PGAM5: variants seen among roughly 807,000 people sequenced by gnomAD.
PGAM5 encodes PGAM family member 5, mitochondrial serine/threonine protein phosphatase.
A neutral mutation model predicts 30.6 loss-of-function variants in PGAM5; 25 were observed. The observed-to-expected ratio is 0.82, with a 90% CI of 0.60 to 1.14. PGAM5 has a LOEUF of 1.14. Among genes scored for constraint, PGAM5 ranks in the 50% most tolerant of loss-of-function variants. PGAM5 has a pLI of 0.00. For synonymous variants in PGAM5, 201 were observed against 179.1 expected (o/e 1.12, Z -0.98); for missense variants, 384 against 408.5 (o/e 0.94, Z 0.52).
chr12:132,720,747 G>A lies in PGAM5; in HGVS notation c.789G>A (p.Val263=). Residue 263 remains valine, a synonymous_variant, in exon 6 of 6, where the codon GTG becomes GTA. Coordinates refer to ENST00000498926, the MANE Select transcript of PGAM5 (RefSeq NM_001170543.2). ...ATAATGGCAGCATCACCCACCTGGT[G>A]ATCCGACCCAACGGCCGAGTTGCGC... The part of the protein sequence containing the change: ...SLNNGSITHL[V]IRPNGRVALR... The A allele has an allele frequency of 6.5e-7, 1 of 1,536,284 alleles. No individual in the cohort carries two copies. Among genetic ancestry groups the A allele is most frequent in the Non-Finnish European group, 8.7e-7 (1 of 1,146,862 alleles).
chr12:132,715,135 G>A (rs1413684266), intron 2 of PGAM5, 99 bp downstream of exon 2: 29 of 1,278,836 alleles, frequency 2.3e-5, no homozygotes, highest in African/African-American at 7.5e-5. Context: ...CAGGTCCTCC[G>A]CCGACCCCCT....
At chr12:132,718,931 T>C in intron 5 of PGAM5, 1 of 1,555,902 alleles carries the variant, frequency 6.4e-7, no homozygotes, top group East Asian at 2.3e-5. Context: ...GGCTGCTCCC[T>C]CGGGGGGCCC....
chr12:132,717,952 A>G (rs778571054), intron 4 of PGAM5, 35 bp from the exon 5 acceptor site: 15 of 1,610,678 alleles, frequency 9.3e-6, no homozygotes, highest in Non-Finnish European at 1.2e-5. Context: ...CTGCCCGAGC[A>G]CTTCCGCACT....
rs138998371 is a variant in PGAM5, at chr12:132,720,172, G to A, written c.720-506G>A. Among the ~76,000 whole-genome samples, 353 of 129,092 alleles carry A rather than the reference G, an allele frequency of 2.7e-3. 1 individual carries two copies. Among genetic ancestry groups the A allele is most frequent in the Non-Finnish European group, 4.7e-3 (276 of 58,346 alleles). The allele number at this position is 129,092 out of a possible 152,430, so 84.7% of individuals were successfully genotyped here. On this transcript the variant is annotated intron_variant, in intron 5 of 5. Transcript: ENST00000498926. ...AGAAGCCCCGACTGAAGACAGGAGC[G>A]GCTCGGCTGATGTGTACCCCGGCCC...
At chr12:132,717,901 T>C in intron 4 of PGAM5, 86 bp from the exon 5 acceptor site, 1 of 1,599,696 alleles carries the variant, frequency 6.3e-7, no homozygotes, top group South Asian at 1.1e-5. Context: ...TCCCACGGGC[T>C]TCCCCGGGCG....
chr12:132,720,565 C>CAA, intron 5 of PGAM5, 113 bp from the exon 6 acceptor site: 1 of 1,162,310 alleles, frequency 8.6e-7, no homozygotes, highest in South Asian at 1.6e-5. Context: ...CCTGGCCTCC[C>CAA]AAAGTGCTGG....
At chr12:132,720,617 G>A (rs1007626739) in intron 5 of PGAM5, 61 bp from the exon 6 acceptor site, 239 of 1,493,026 alleles carry the variant, frequency 1.6e-4, no homozygotes, top group Non-Finnish European at 2.0e-4. Context: ...AGCTCAGCCC[G>A]TTTTAAGGAC....
intron 5 of PGAM5, among the ~76,000 whole-genome samples, 182 bp from the exon 6 acceptor site, chr12:132,720,496 A>C (rs555838960): frequency 4.1e-4 from 62 of 152,006 alleles, no homozygotes; most frequent in African/African-American, 1.5e-3. Context: ...TTTAGTAGAG[A>C]TGGGGTTTCA....
At chr12:132,717,316 GT>G in intron 2 of PGAM5, 122 bp from the exon 3 acceptor site, 1 of 1,173,182 alleles carries the variant, frequency 8.5e-7, no homozygotes, top group African/African-American at 1.7e-5. Context: ...AGGAGGGGGT[GT>G]TTGCGGGCGG....
intron 1 of PGAM5, among the ~76,000 whole-genome samples, chr12:132,712,686 C>T (rs2043534733): frequency 6.6e-6 from 1 of 151,884 alleles, no homozygotes; most frequent in African/African-American, 2.4e-5. Flanking sequence ...GAACTCCCAA[C>T]CTTAGGTGAT....
intron 5 of PGAM5, chr12:132,719,316 C>T (rs2043620486): frequency 1.0e-6 from 1 of 971,374 alleles, no homozygotes; most frequent in South Asian, 4.0e-5. Flanking sequence ...CTCTGCCCGT[C>T]TGTCACCTGG....
Position 132,717,602 on chromosome 12 carries a change from T to C in PGAM5, c.496+38T>C. 4 of 1,605,802 alleles carry C rather than the reference T, an allele frequency of 2.5e-6. No homozygotes were observed. The African/African-American group carries it at 5.3e-5, about 21-fold the overall frequency. On this transcript the variant is annotated intron_variant, in intron 3 of 5. Coordinates refer to ENST00000498926, the MANE Select transcript of PGAM5 (RefSeq NM_001170543.2). ...CGCGGGGCCTCCATGCTTGCAGCAG[T>C]GGGCGGCTCGTGGCAGGGCCCCGGC...
chr12:132,714,503 G>A (rs565911875), intron 1 of PGAM5, among the ~76,000 whole-genome samples: 3 of 152,320 alleles, frequency 2.0e-5, no homozygotes, highest in Admixed American at 6.5e-5. Flanking sequence ...TTCCGCCTGC[G>A]CCCCGATAGC....
chr12:132,712,346 A>G (rs1301733124), intron 1 of PGAM5, among the ~76,000 whole-genome samples: 1 of 152,196 alleles, frequency 6.6e-6, no homozygotes, highest in African/African-American at 2.4e-5. Flanking sequence ...TTTGATGATC[A>G]TGAGTGTTTG....
intron 3 of PGAM5, 43 bp downstream of exon 3, chr12:132,717,607 G>C (rs373250260): frequency 6.2e-7 from 1 of 1,604,526 alleles, no homozygotes; most frequent in African/African-American, 1.3e-5. Flanking sequence ...AGCAGTGGGC[G>C]GCTCGTGGCA....
At chr12:132,715,452 T>C (rs552097377) in intron 2 of PGAM5, among the ~76,000 whole-genome samples, 1 of 151,146 alleles carries the variant, frequency 6.6e-6, no homozygotes, top group Admixed American at 6.6e-5. Context: ...GCGCCTGTAG[T>C]CCCAGCTACT....
chr12:132,717,991 A>T lies in PGAM5; in HGVS notation c.590A>T (p.Tyr197Phe). 1 of 1,612,708 alleles carries T rather than the reference A, an allele frequency of 6.2e-7. No homozygotes were observed. The highest frequency in any genetic ancestry group is 1.1e-5 in the South Asian group (1 of 91,080). ...GGCTCCTCACTCTGCCCCCAGCAGT[A>T]TTACGAAGACGGAGCCCGGATCGAG... Reference protein sequence around the residue: ...VSHWKPEAVQYYEDGARIEAA... With the variant: ...VSHWKPEAVQFYEDGARIEAA... Residue 197 changes from tyrosine (Y) to phenylalanine (F), a missense_variant, in exon 5 of 6, where the codon TAT becomes TTT. Physicochemically the swap from Tyr to Phe is conservative, Grantham distance 22 (BLOSUM62 3). Transcript: ENST00000498926.
rs1334964482 is a variant in PGAM5 at position 132,717,664 on chromosome 12, G to A, written c.497-46G>A. ...GCCACCGGGAGGTCACAGCATCTCC[G>A]CCGGCGGGGCCGCCTCACCCAGCGC... On this transcript the variant is annotated intron_variant, in intron 3 of 5. Coordinates refer to ENST00000498926, the MANE Select transcript of PGAM5 (RefSeq NM_001170543.2). The A allele has an allele frequency of 3.1e-5, 49 of 1,564,560 alleles. 1 individual carries two copies. The highest frequency in any genetic ancestry group is 2.2e-4 in the Admixed American group (12 of 53,372).
chr12:132,720,576 G>A (rs1228956966), intron 5 of PGAM5, 102 bp from the exon 6 acceptor site: 12 of 1,269,090 alleles, frequency 9.5e-6, no homozygotes, highest in East Asian at 7.7e-5. Context: ...AAAGTGCTGG[G>A]ATTACAGGTG....
Sources: allele counts gnomAD v4.1 joint callset (sites outside exome capture counted in the v4.1 genomes callset), GRCh38; gene constraint gnomAD v4.1.1; transcripts MANE v1.5; gene names NCBI Gene and HGNC (gene_info 2026-07-23, HGNC 2026-07-21).